The following SALL3 variants were observed in gnomAD, a reference collection of about 807,000 sequenced individuals.
SALL3 encodes spalt like transcription factor 3.
In SALL3, 25 loss-of-function variants were observed where a neutral mutation model predicts 66.2. The observed-to-expected ratio is 0.38, with a 90% CI of 0.28 to 0.53. SALL3 has a LOEUF of 0.53. SALL3 is among the 20% of genes least tolerant of loss of function. The pLI is 0.85. For missense variants in SALL3, 2,194 were observed against 1,916.5 expected (o/e 1.14, Z -2.70); for synonymous variants, 1,152 against 899.1 (o/e 1.28, Z -5.03).
At chr18:78,988,146 C>G (rs1378373297) in intron 1 of SALL3, among the ~76,000 whole-genome samples, 2 of 152,012 alleles carry the variant, frequency 1.3e-5, no homozygotes, top group Admixed American at 6.6e-5. Context: ...GCATACAGGC[C>G]AGTTCAAAAT....
At position 78,980,092 on chromosome 18, in the gene SALL3, G is replaced by C. The variant is rs1293487558; in HGVS notation, c.-183G>C. 6.8e-6 allele frequency among the ~76,000 whole-genome samples: 1 copy of C among 146,146 alleles called. No individual in the cohort carries two copies. The highest frequency in any genetic ancestry group is 1.5e-5 in the Non-Finnish European group (1 of 65,816). On this transcript the variant is annotated 5_prime_UTR_variant, in exon 1 of 3. Transcript: ENST00000537592. ...GTCCGCTGGAGCCCGGCCAATCGGC[G>C]CGGCCCTCCGCTAATGGCCATGCAT... is the stretch of plus-strand genomic sequence containing the variant.
rs78322910 is a variant in SALL3 at position 78,994,444 on chromosome 18, C to T, written c.2453C>T (p.Pro818Leu). The T allele has an allele frequency of 1.3e-3, 2,070 of 1,612,284 alleles. 2 individuals are homozygous for T. The highest frequency in any genetic ancestry group is 2.0e-3 in the Middle Eastern group (12 of 6,062). ...GAGCTGAAGGACGCGGCCACCGACC[C>T]GGCCAAGCCACTCCTGTCCTACGCG... ...DAELKDAATD[P>L]AKPLLSYAGS... The change falls in exon 2 of 3, where the codon CCG (proline) becomes CTG (leucine). Residue 818 changes from proline to leucine, a missense_variant. By Grantham distance (98) the Pro-to-Leu change is moderately conservative. Transcript: ENST00000537592.
At chr18:78,981,805 C>A (rs1369463240) in intron 1 of SALL3, among the ~76,000 whole-genome samples, 1 of 152,146 alleles carries the variant, frequency 6.6e-6, no homozygotes, top group South Asian at 2.1e-4. Context: ...CATAGAATTT[C>A]TCACACTTGG....
In SALL3 at chr18:78,993,648, C is replaced by T. The variant is rs747070204; in HGVS notation, c.1657C>T (p.Pro553Ser). Residue 553 changes from proline (P) to serine (S), a missense_variant, in exon 2 of 3, where the codon CCG becomes TCG. Transcript: ENST00000537592. Reference sequence around the variant, plus strand: ...CAGCGCCACCCCAGCCAGCCGCTCCCCGCAGAGGCCCTCGCCCGCCTCCAG... The same window carrying T: ...CAGCGCCACCCCAGCCAGCCGCTCCTCGCAGAGGCCCTCGCCCGCCTCCAG... ...SPSATPASRS[P>S]QRPSPASSEC... The T allele has an allele frequency of 1.9e-6, 3 of 1,589,006 alleles. No individual in the cohort carries two copies. Among genetic ancestry groups the T allele is most frequent in the South Asian group, 2.2e-5 (2 of 89,704 alleles).
rs772456929 is a variant in SALL3 at position 78,992,689 on chromosome 18, T to C, written c.698T>C (p.Met233Thr). The C allele has an allele frequency of 6.6e-7, 1 of 1,521,318 alleles. No homozygotes were observed. Among genetic ancestry groups the C allele is most frequent in the Non-Finnish European group, 8.8e-7 (1 of 1,139,426 alleles). The allele number at this position is 1,521,318 out of a possible 1,614,324, so 94.2% of individuals were successfully genotyped here. Reference sequence around the variant, plus strand: ...CAGATCCGCAGCCAGGTGGCCCTCATGCAGCGCCCGCCGCCGCGGCCCTCA... The same window carrying C: ...CAGATCCGCAGCCAGGTGGCCCTCACGCAGCGCCCGCCGCCGCGGCCCTCA... ...IEQIRSQVAL[M>T]QRPPPRPSLS... is the part of the protein sequence containing the mutation. Residue 233 changes from methionine (M) to threonine (T), a missense_variant, in exon 2 of 3, where the codon ATG becomes ACG. Coordinates refer to ENST00000537592, the MANE Select transcript of SALL3 (RefSeq NM_171999.4).
chr18:78,979,926 C>T lies in SALL3; in HGVS notation c.-349C>T, dbSNP rs1448185506. On this transcript the variant is annotated 5_prime_UTR_variant, in exon 1 of 3. Transcript: ENST00000537592. ...GGCCCCGCCACAGCCGCACCCGGGG[C>T]GGCCGAGGAGCGCGGCGCCGGAGCC... is the stretch of plus-strand genomic sequence containing the variant. Among the ~76,000 whole-genome samples the T allele has an allele frequency of 1.4e-5, 2 of 144,280 alleles. No individual in the cohort carries two copies. The highest frequency in any genetic ancestry group is 4.1e-4 in the East Asian group (2 of 4,892). The allele number at this position is 144,280 out of a possible 152,430, so 94.7% of individuals were successfully genotyped here. A position where few individuals can be genotyped will look rare whatever the true frequency, so the allele number is the denominator to read the frequency against.
At chr18:78,987,447 T>C (rs1034546552) in intron 1 of SALL3, among the ~76,000 whole-genome samples, 2 of 152,202 alleles carry the variant, frequency 1.3e-5, no homozygotes, top group African/African-American at 4.8e-5. Flanking sequence ...AGGTTTTCTC[T>C]GAAAGGCCTG....
In SALL3 at chr18:78,997,124, C is replaced by A. The variant is rs375447289; in HGVS notation, c.3705C>A (p.Asn1235Lys). The A allele has an allele frequency of 6.2e-7, 1 of 1,614,088 alleles. No individual in the cohort carries two copies. Among genetic ancestry groups the A allele is most frequent in the Non-Finnish European group, 8.5e-7 (1 of 1,180,030 alleles). The change falls in exon 3 of 3, where the codon AAC becomes AAA. Residue 1235 changes from asparagine to lysine, a missense_variant. Transcript: ENST00000537592. ...ACAACGAGATCTCCGTCATCCAGAACGGCGGCATCCCCCAGCTCCCCGTGA... is the reference window on the plus strand; with the variant it reads ...ACAACGAGATCTCCGTCATCCAGAAAGGCGGCATCCCCCAGCTCCCCGTGA... ...MKNNEISVIQ[N>K]GGIPQLPVSL...
Position 78,993,302 on chromosome 18 carries a change from C to T in SALL3, c.1311C>T (p.Ile437=), listed in dbSNP as rs761327247. The part of the protein sequence containing the change: ...KVFGSDSALQ[I]HLRSHTGERP... ...TCGGCAGCGACAGCGCGCTCCAGAT[C>T]CACCTGCGCTCGCACACAGGCGAGC... Residue 437 remains isoleucine (I), a synonymous_variant, in exon 2 of 3, where the codon ATC becomes ATT. Coordinates refer to ENST00000537592, the MANE Select transcript of SALL3 (RefSeq NM_171999.4). 1.9e-6 allele frequency: 3 copies of T among 1,611,894 alleles called. No individual in the cohort carries two copies. The highest frequency in any genetic ancestry group is 2.5e-6 in the Non-Finnish European group (3 of 1,179,832).
chr18:78,995,821 C>G (rs888275651), intron 2 of SALL3, among the ~76,000 whole-genome samples: 1 of 152,004 alleles, frequency 6.6e-6, no homozygotes, highest in South Asian at 2.1e-4. Context: ...CTGTGTGTCC[C>G]TGTGCACACA....
Position 78,979,843 on chromosome 18 carries a change from C to G in SALL3, c.-432C>G, listed in dbSNP as rs1163365975. 6.9e-6 allele frequency among the ~76,000 whole-genome samples: 1 copy of G among 144,610 alleles called. No individual in the cohort carries two copies. The highest frequency in any genetic ancestry group is 1.5e-5 in the Non-Finnish European group (1 of 65,136). 94.9% of individuals were successfully genotyped at this position (144,610 alleles called of 152,430 possible). On this transcript the variant is annotated 5_prime_UTR_variant, in exon 1 of 3. Coordinates refer to ENST00000537592, the MANE Select transcript of SALL3 (RefSeq NM_171999.4). ...GGAGACGGCGCCGCGCGGACGCCGC[C>G]AAAGTTTGCTGCCTGCGCCCTGCGG...
Position 78,993,956 on chromosome 18 carries a change from G to T in SALL3, c.1965G>T (p.Ser655=), listed in dbSNP as rs369156685. ...AQFPFGGLLD[S]MQTSETSKLQ... is the part of the protein sequence containing the mutation. ...TTCCGTTCGGGGGGCTGCTAGACTC[G>T]ATGCAAACGTCGGAAACCTCGAAGC... Residue 655 remains serine, a synonymous_variant, in exon 2 of 3, where the codon TCG becomes TCT. Coordinates refer to ENST00000537592, the MANE Select transcript of SALL3 (RefSeq NM_171999.4). 3.1e-6 allele frequency: 5 copies of T among 1,611,198 alleles called. No homozygotes were observed. Among genetic ancestry groups the T allele is most frequent in the Non-Finnish European group, 4.2e-6 (5 of 1,179,146 alleles).
Position 78,997,655 on chromosome 18 carries a change from C to T in SALL3, c.*333C>T, listed in dbSNP as rs572275217. The T allele has an allele frequency of 9.1e-5, 30 of 331,246 alleles. No homozygotes were observed. Among genetic ancestry groups the T allele is most frequent in the African/African-American group, 5.8e-4 (28 of 48,166 alleles). The allele number at this position is 331,246 out of a possible 1,614,324, so 20.5% of individuals were successfully genotyped here. On this transcript the variant is annotated 3_prime_UTR_variant, in exon 3 of 3. Coordinates refer to ENST00000537592, the MANE Select transcript of SALL3 (RefSeq NM_171999.4). ...CTCCGAGGGAGAAAGGGGTTCTCTG[C>T]GGTATTCCAGTGAAACTCATTTGAT...
chr18:78,996,781 T>C, intron 2 of SALL3, 110 bp from the exon 3 acceptor site: 1 of 1,094,184 alleles, frequency 9.1e-7, no homozygotes, highest in South Asian at 1.7e-5. Context: ...TTGTTGTCCG[T>C]AAGTCGCGCT....
In SALL3 at chr18:78,993,623, C is replaced by T. The variant is rs763578207; in HGVS notation, c.1632C>T (p.Pro544=). The T allele has an allele frequency of 1.7e-4, 265 of 1,585,224 alleles. No homozygotes were observed. Among genetic ancestry groups the T allele is most frequent in the Non-Finnish European group, 2.2e-4 (261 of 1,173,466 alleles). The change falls in exon 2 of 3, where the codon CCC becomes CCT. Residue 544 remains proline, a synonymous_variant. Transcript: ENST00000537592. The part of the protein sequence containing the change: ...VPGAHGYADS[P]SATPASRSPQ... ...GCGCGCACGGCTACGCCGACTCTCC[C>T]AGCGCCACCCCAGCCAGCCGCTCCC...
rs752301302 is a variant in SALL3 at position 78,994,193 on chromosome 18, C to A, written c.2202C>A (p.Pro734=). 2 of 1,613,440 alleles carry A rather than the reference C, an allele frequency of 1.2e-6. No individual in the cohort carries two copies. Among genetic ancestry groups the A allele is most frequent in the East Asian group, 4.5e-5 (2 of 44,882 alleles). Residue 734 remains proline, a synonymous_variant, in exon 2 of 3, where the codon CCC becomes CCA. Transcript: ENST00000537592. ...TCGGCGTGCACCGTGCAAAGCCGCC[C>A]CTGCGCGTGCAGCACTCCTGCCCCA... The part of the protein sequence containing the change: ...THFGVHRAKP[P]LRVQHSCPIC...
chr18:78,995,434 G>T lies in SALL3; in HGVS notation c.3443G>T (p.Arg1148Leu). The change falls in exon 2 of 3, where the codon CGG becomes CTG. Residue 1148 changes from arginine (R) to leucine (L), a missense_variant. Arg to Leu is a moderately radical substitution (Grantham distance 102). Transcript: ENST00000537592. ...EKPFGCTICGRAFTTKGNLKV... is the reference protein window; with the variant it reads ...EKPFGCTICGLAFTTKGNLKV... ...CCGTTCGGCTGCACCATCTGCGGCC[G>T]GGCCTTCACCACTAAGGGCAACCTC... is the stretch of plus-strand genomic sequence containing the variant. 1 of 1,582,404 alleles carries T rather than the reference G, an allele frequency of 6.3e-7. No homozygotes were observed. Among genetic ancestry groups the T allele is most frequent in the Non-Finnish European group, 8.5e-7 (1 of 1,172,124 alleles).
At position 78,994,194 on chromosome 18, in the gene SALL3, C is replaced by A. The variant is rs1237779904; in HGVS notation, c.2203C>A (p.Leu735Met). ...HFGVHRAKPP[L>M]RVQHSCPICQ... ...CGGCGTGCACCGTGCAAAGCCGCCC[C>A]TGCGCGTGCAGCACTCCTGCCCCAT... is the stretch of plus-strand genomic sequence containing the variant. Residue 735 changes from leucine (L) to methionine (M), a missense_variant, in exon 2 of 3, where the codon CTG (leucine) becomes ATG (methionine). By Grantham distance (15) the Leu-to-Met change is conservative. Coordinates refer to ENST00000537592, the MANE Select transcript of SALL3 (RefSeq NM_171999.4). The A allele has an allele frequency of 1.2e-6, 2 of 1,613,346 alleles. No homozygotes were observed. The highest frequency in any genetic ancestry group is 1.3e-5 in the African/African-American group (1 of 74,948).
In SALL3 at chr18:78,993,717, G is replaced by A. The variant is rs376550476; in HGVS notation, c.1726G>A (p.Gly576Ser). 111 of 1,555,790 alleles carry A rather than the reference G, an allele frequency of 7.1e-5. 1 individual carries two copies. In the South Asian group the frequency reaches 1.0e-3, roughly 14 times the overall value. ...CCCAGGCCTCAACCACGTGGAGTCC[G>A]GCGTGTCGGCCACCGCCGAGTCCCC... is the stretch of plus-strand genomic sequence containing the variant. ...LSPGLNHVES[G>S]VSATAESPQS... Residue 576 changes from glycine (G) to serine (S), a missense_variant, in exon 2 of 3, where the codon GGC becomes AGC. By Grantham distance (56) the Gly-to-Ser change is moderately conservative. Transcript: ENST00000537592.
Sources: gnomAD v4.1 joint callset for allele counts (sites outside exome capture counted in the v4.1 genomes callset) on GRCh38, gnomAD v4.1.1 for gene constraint, MANE v1.5 for transcripts, NCBI Gene and HGNC (gene_info 2026-07-23, HGNC 2026-07-21) for gene names.